MLLT1: variants seen among roughly 807,000 people sequenced by gnomAD.
The protein encoded by MLLT1 is MLLT1 super elongation complex subunit, also known as protein ENL.
In MLLT1, 11 loss-of-function variants were observed where a neutral mutation model predicts 55.1. That is an observed-to-expected ratio of 0.20 (90% CI 0.13 to 0.33). MLLT1 has a LOEUF of 0.33. Ranked by LOEUF, MLLT1 falls within the 10% of genes least tolerant of loss-of-function variation. The pLI, the probability that MLLT1 is intolerant of heterozygous loss-of-function variation, is 1.00. For synonymous variants in MLLT1, 323 were observed against 320.1 expected, an observed-to-expected ratio of 1.01 and a Z score of -0.10; for missense variants, 536 against 760.6, an observed-to-expected ratio of 0.70 and a Z score of 3.47.
intron 1 of MLLT1, among the ~76,000 whole-genome samples, chr19:6,277,081 G>A (rs1366395606): frequency 2.0e-5 from 3 of 152,210 alleles, no homozygotes; most frequent in Admixed American, 6.5e-5. Context: ...GCGGAAGCCC[G>A]GGTTCTGCTC....
At chr19:6,266,969 C>T (rs1485045919) in intron 2 of MLLT1, among the ~76,000 whole-genome samples, 1 of 152,092 alleles carries the variant, frequency 6.6e-6, no homozygotes, top group Non-Finnish European at 1.5e-5. Context: ...GAGGACTTTA[C>T]AAACAAGCCA....
intron 3 of MLLT1, among the ~76,000 whole-genome samples, chr19:6,250,142 T>C (rs2091200775): frequency 6.6e-6 from 1 of 152,018 alleles, no homozygotes; most frequent in African/African-American, 2.4e-5. Flanking sequence ...AAATGGCCAA[T>C]AAGCACATGA....
intron 1 of MLLT1, among the ~76,000 whole-genome samples, chr19:6,275,673 C>T (rs1032055503): frequency 6.6e-6 from 1 of 152,208 alleles, no homozygotes; most frequent in Admixed American, 6.5e-5. Context: ...CCAGCACCTC[C>T]ACCCCTCTTC....
Position 6,226,513 on chromosome 19 carries a change from C to A in MLLT1, c.546+464G>T, listed in dbSNP as rs1168512105. The stretch of plus-strand genomic sequence containing the variant: ...CACCTGGCTTCCCCTGCCCTTCCCC[C>A]ACGAAACTCTGCAGTGAGCCATAGC... On this transcript the variant is annotated intron_variant, in intron 5 of 11. Transcript: ENST00000252674. This position sits in a 1 kb window ranked among gnomAD's most constrained non-coding sequence, Gnocchi z 6.3. Among the ~76,000 whole-genome samples the A allele has an allele frequency of 6.6e-6, 1 of 152,176 alleles. No homozygotes were observed. Among genetic ancestry groups the A allele is most frequent in the South Asian group, 2.1e-4 (1 of 4,836 alleles).
At chr19:6,247,613 G>A (rs537432975) in intron 3 of MLLT1, among the ~76,000 whole-genome samples, 140 of 152,312 alleles carry the variant, frequency 9.2e-4, no homozygotes, top group Non-Finnish European at 1.7e-3. Flanking sequence ...AAGGAAGGAG[G>A]AAATTAAAAC....
rs1026397979 is a variant in MLLT1 at position 6,216,533 on chromosome 19, A to G, written c.1199-20T>C. 9.6e-7 allele frequency: 1 copy of G among 1,038,562 alleles called. No individual in the cohort carries two copies. The highest frequency in any genetic ancestry group is 2.7e-5 in the East Asian group (1 of 36,400). 64.3% of individuals were successfully genotyped at this position (1,038,562 alleles called of 1,614,324 possible). A position where few individuals can be genotyped will look rare whatever the true frequency, so the allele number is the denominator to read the frequency against. ...GGGGTCCTGGGGAGGCGGGGCAGGG[A>G]GGGAGGGGAGACAAGGGCAGGGCTC... On this transcript the variant is annotated intron_variant, in intron 7 of 11. Transcript: ENST00000252674.
At position 6,235,895 on chromosome 19, in the gene MLLT1, G is replaced by A. The variant is rs1275893434; in HGVS notation, c.277-5182C>T. Among the ~76,000 whole-genome samples, 1 of 145,386 alleles carries A rather than the reference G, an allele frequency of 6.9e-6. No homozygotes were observed. The highest frequency in any genetic ancestry group is 1.5e-5 in the Non-Finnish European group (1 of 66,348). ...CCTGACCCCCACCCGCCCTTATCCC[G>A]GCCTGCTGCTGTCCCCAGGCACAGA... On this transcript the variant is annotated intron_variant, in intron 3 of 11. Transcript: ENST00000252674. This position sits in a 1 kb window ranked among gnomAD's most constrained non-coding sequence, Gnocchi z 5.5.
chr19:6,234,243 T>TGGTGGAGACA (rs953169052), intron 3 of MLLT1, among the ~76,000 whole-genome samples: 9 of 152,128 alleles, frequency 5.9e-5, no homozygotes, highest in East Asian at 3.9e-4. Context: ...AGCACAGCTG[T>TGGTGGAGACA]GGTGGAGACA....
rs1416798465 is a variant in MLLT1 at position 6,230,980 on chromosome 19, CAT to C, written c.277-269_277-268del. ...CATGCTCTCGGACTGTTATGGGAAA[CAT>C]GTACCCCCTTCAACCCTCACAGCGC... is the stretch of plus-strand genomic sequence containing the variant. On this transcript the variant is annotated intron_variant, in intron 3 of 11. Transcript: ENST00000252674. The surrounding 1 kb of genome is among the most constrained non-coding windows in gnomAD (Gnocchi z 9.0). Among the ~76,000 whole-genome samples, 2 of 152,230 alleles carry C rather than the reference CAT, an allele frequency of 1.3e-5. No homozygotes were observed. Among genetic ancestry groups the C allele is most frequent in the African/African-American group, 4.8e-5 (2 of 41,454 alleles).
At chr19:6,236,509 G>A (rs1459727139) in intron 3 of MLLT1, among the ~76,000 whole-genome samples, 1 of 152,182 alleles carries the variant, frequency 6.6e-6, no homozygotes, top group Admixed American at 6.5e-5. Context: ...GTTCACAACT[G>A]CAGAGAGGGG....
Position 6,212,783 on chromosome 19 carries a change from AC to A in MLLT1, c.*258del. ...GTCTCTGCCCAGAGCTGCCTTCAACACCAGCCGCTCTCTGAGGGGAGCCCAG... is the reference window on the plus strand; with the variant it reads ...GTCTCTGCCCAGAGCTGCCTTCAACACAGCCGCTCTCTGAGGGGAGCCCAG... On this transcript the variant is annotated 3_prime_UTR_variant, in exon 12 of 12. Coordinates refer to ENST00000252674, the MANE Select transcript of MLLT1 (RefSeq NM_005934.4). 3 of 931,308 alleles carry A rather than the reference AC, an allele frequency of 3.2e-6. No individual in the cohort carries two copies. In the South Asian group the frequency reaches 7.2e-5, roughly 22 times the overall value. 57.7% of individuals were successfully genotyped at this position (931,308 alleles called of 1,614,324 possible). A position where few individuals can be genotyped will look rare whatever the true frequency, so the allele number is the denominator to read the frequency against.
rs1181586722 is a variant in MLLT1, at chr19:6,227,682, T to G, written c.421-580A>C. 6.6e-6 allele frequency among the ~76,000 whole-genome samples: 1 copy of G among 152,154 alleles called. No homozygotes were observed. Among genetic ancestry groups the G allele is most frequent in the Non-Finnish European group, 1.5e-5 (1 of 68,024 alleles). On this transcript the variant is annotated intron_variant, in intron 4 of 11. Coordinates refer to ENST00000252674, the MANE Select transcript of MLLT1 (RefSeq NM_005934.4). This position sits in a 1 kb window ranked among gnomAD's most constrained non-coding sequence, Gnocchi z 5.1. ...CCTGTGCCTACTGGGGGGGTCTCTC[T>G]GCAAAGCAGGCCCGAGTGAGCCAGC...
At chr19:6,275,423 C>A (rs2091422840) in intron 1 of MLLT1, among the ~76,000 whole-genome samples, 1 of 152,206 alleles carries the variant, frequency 6.6e-6, no homozygotes, top group African/African-American at 2.4e-5. Flanking sequence ...CTTGGGCGAT[C>A]CCATGGAGCG....
Position 6,230,748 on chromosome 19 carries a change from G to C in MLLT1, c.277-35C>G. The C allele has an allele frequency of 1.2e-6, 2 of 1,611,460 alleles. No individual in the cohort carries two copies. Among genetic ancestry groups the C allele is most frequent in the South Asian group, 1.1e-5 (1 of 90,970 alleles). On this transcript the variant is annotated intron_variant, in intron 3 of 11. Transcript: ENST00000252674. This position sits in a 1 kb window ranked among gnomAD's most constrained non-coding sequence, Gnocchi z 9.0. ...AGAAAACAAGAAAGTCTGCATCAGA[G>C]GGTGGCCGTGGTGCAGGGACACAGC... is the stretch of plus-strand genomic sequence containing the variant.
chr19:6,248,622 C>G (rs2091188566), intron 3 of MLLT1, among the ~76,000 whole-genome samples: 1 of 152,200 alleles, frequency 6.6e-6, no homozygotes, highest in Admixed American at 6.5e-5. Flanking sequence ...CATAATACCC[C>G]ACTAGCACAT....
At chr19:6,267,391 G>A (rs757317288) in intron 2 of MLLT1, among the ~76,000 whole-genome samples, 14 of 111,172 alleles carry the variant, frequency 1.3e-4, no homozygotes, top group Admixed American at 2.0e-4. Context: ...CACCGCACCC[G>A]GCCAAAAAAT....
chr19:6,216,586 T>C (rs956941608), intron 7 of MLLT1, 73 bp from the exon 8 acceptor site: 1 of 1,102,536 alleles, frequency 9.1e-7, no homozygotes. Flanking sequence ...CCCTCGCCCA[T>C]GAGGCCACGC....
chr19:6,210,477 T>A lies in MLLT1; in HGVS notation c.*2565A>T, dbSNP rs963389298. 4.5e-4 allele frequency: 92 copies of A among 205,850 alleles called. 1 individual carries two copies. Among genetic ancestry groups the A allele is most frequent in the Admixed American group, 2.4e-4 (4 of 16,740 alleles). 12.8% of individuals were successfully genotyped at this position (205,850 alleles called of 1,614,324 possible). A position where few individuals can be genotyped will look rare whatever the true frequency, so the allele number is the denominator to read the frequency against. ...AGTTTAAAATCCAGGAAAGAAACAA[T>A]CCTGTAACTCGTTACAAACACGATT... On this transcript the variant is annotated 3_prime_UTR_variant, in exon 12 of 12. Transcript: ENST00000252674. This position sits in a 1 kb window ranked among gnomAD's most constrained non-coding sequence, Gnocchi z 4.6.
Position 6,230,956 on chromosome 19 carries a change from A to G in MLLT1, c.277-243T>C, listed in dbSNP as rs899975494. On this transcript the variant is annotated intron_variant, in intron 3 of 11. Coordinates refer to ENST00000252674, the MANE Select transcript of MLLT1 (RefSeq NM_005934.4). The surrounding 1 kb of genome is among the most constrained non-coding windows in gnomAD (Gnocchi z 9.0). Reference sequence around the variant, plus strand: ...GCAGAAAGAAAGCTCATTCATAGCCATGCTCTCGGACTGTTATGGGAAACA... The same window carrying G: ...GCAGAAAGAAAGCTCATTCATAGCCGTGCTCTCGGACTGTTATGGGAAACA... Among the ~76,000 whole-genome samples the G allele has an allele frequency of 2.6e-5, 4 of 152,202 alleles. No individual in the cohort carries two copies. The East Asian group carries it at 7.7e-4, about 29-fold the overall frequency.
Sources: gnomAD v4.1 joint callset for allele counts (sites outside exome capture counted in the v4.1 genomes callset) on GRCh38, gnomAD v4.1.1 for gene constraint, Gnocchi (gnomAD v3.1) non-coding constraint, MANE v1.5 for transcripts, NCBI Gene and HGNC (gene_info 2026-07-23, HGNC 2026-07-21) for gene names.